The following KIF6 variants were observed in gnomAD, a reference collection of about 807,000 sequenced individuals.
The protein encoded by KIF6 is kinesin-like protein KIF6.
Under a neutral mutation model 112.7 loss-of-function variants are expected in KIF6, and 106 were observed. The observed-to-expected ratio is 0.94, with a 90% CI of 0.80 to 1.11. The LOEUF (loss-of-function observed/expected upper bound fraction) is 1.11. Among genes scored for constraint, KIF6 ranks in the 50% least tolerant of loss-of-function variants. The pLI, the probability that KIF6 is intolerant of heterozygous loss-of-function variation, is 0.00. For synonymous variants in KIF6, 339 were observed against 339.9 expected, an observed-to-expected ratio of 1.00 and a Z score of 0.03; for missense variants, 929 against 964.0, an observed-to-expected ratio of 0.96 and a Z score of 0.48.
intron 13 of KIF6, among the ~76,000 whole-genome samples, chr6:39,456,848 C>G (rs1773147693): frequency 6.7e-6 from 1 of 149,178 alleles, no homozygotes; most frequent in Non-Finnish European, 1.5e-5. Flanking sequence ...GCACCCAATA[C>G]AGGAGCACCC....
intron 6 of KIF6, among the ~76,000 whole-genome samples, chr6:39,611,611 A>C (rs1049245602): frequency 1.3e-5 from 2 of 152,204 alleles, no homozygotes; most frequent in Non-Finnish European, 2.9e-5. Context: ...GTCAGTTAGC[A>C]CTGAGGCGGC....
At chr6:39,447,726 C>T (rs1772419377) in intron 13 of KIF6, among the ~76,000 whole-genome samples, 1 of 152,122 alleles carries the variant, frequency 6.6e-6, no homozygotes, top group African/African-American at 2.4e-5. Flanking sequence ...TTCTTTGGTC[C>T]CTTTTCTTGG....
intron 10 of KIF6, among the ~76,000 whole-genome samples, chr6:39,563,594 A>G (rs146501536): frequency 1.3e-5 from 2 of 152,320 alleles, no homozygotes; most frequent in Non-Finnish European, 2.9e-5. Context: ...ATTCTCTATT[A>G]TAAATAGTTT....
At chr6:39,542,446 G>A (rs115318417) in intron 12 of KIF6, among the ~76,000 whole-genome samples, 3,796 of 152,214 alleles carry the variant, frequency 0.025, 51 homozygotes, top group Non-Finnish European at 0.037. Context: ...GATGTCGTTC[G>A]CAGTCATTTG....
intron 1 of KIF6, among the ~76,000 whole-genome samples, chr6:39,722,045 TA>T (rs1189813160): frequency 6.6e-6 from 1 of 152,122 alleles, no homozygotes; most frequent in Non-Finnish European, 1.5e-5. Context: ...AGTCATTACA[TA>T]AAATAAAGTA....
chr6:39,431,011 G>A (rs991373281), intron 14 of KIF6, 42 bp downstream of exon 14: 4 of 1,249,192 alleles, frequency 3.2e-6, no homozygotes, highest in Non-Finnish European at 4.7e-6. Flanking sequence ...GGCTGGCCTG[G>A]CTGAGCCTCG....
intron 13 of KIF6, among the ~76,000 whole-genome samples, chr6:39,499,353 A>G (rs1775975208): frequency 6.6e-6 from 1 of 151,546 alleles, no homozygotes; most frequent in African/African-American, 2.4e-5. Flanking sequence ...AAGAAAGGGG[A>G]GGGAGAAAAG....
intron 17 of KIF6, among the ~76,000 whole-genome samples, chr6:39,361,189 T>C (rs1765109497): frequency 6.6e-6 from 1 of 152,046 alleles, no homozygotes; most frequent in African/African-American, 2.4e-5. Flanking sequence ...AAGAGATAAG[T>C]TGGCCTCTAA....
chr6:39,342,362 G>A lies in KIF6; in HGVS notation c.2428+1347C>T, dbSNP rs1200447794. 1.3e-5 allele frequency among the ~76,000 whole-genome samples: 2 copies of A among 152,086 alleles called. No homozygotes were observed. The highest frequency in any genetic ancestry group is 1.9e-4 in the East Asian group (1 of 5,186). ...CCTCAAACAATCTTACGTATTTGTC[G>A]ACGTGTTCATTGTCTGTCTCCTTCC... On this transcript the variant is annotated intron_variant, in intron 22 of 22. Coordinates refer to ENST00000287152, the MANE Select transcript of KIF6 (RefSeq NM_145027.6). The surrounding 1 kb of genome is among the most constrained non-coding windows in gnomAD (Gnocchi z 4.7).
At chr6:39,686,181 TG>T (rs1247150165) in intron 3 of KIF6, among the ~76,000 whole-genome samples, 1 of 152,228 alleles carries the variant, frequency 6.6e-6, no homozygotes, top group Non-Finnish European at 1.5e-5. Flanking sequence ...AATCATATTT[TG>T]TAAGGTGTTT....
intron 15 of KIF6, among the ~76,000 whole-genome samples, chr6:39,414,789 TA>T (rs1241147517): frequency 6.6e-6 from 1 of 152,136 alleles, no homozygotes; most frequent in Non-Finnish European, 1.5e-5. Flanking sequence ...CAAAGTCAGG[TA>T]AATGTGAATT....
intron 3 of KIF6, among the ~76,000 whole-genome samples, chr6:39,645,868 G>A (rs1785142720): frequency 6.6e-6 from 1 of 151,936 alleles, no homozygotes; most frequent in Admixed American, 6.6e-5. Flanking sequence ...ACTATCGCAA[G>A]GACAAAAAAC....
At chr6:39,409,434 T>C (rs1397429476) in intron 15 of KIF6, among the ~76,000 whole-genome samples, 1 of 152,248 alleles carries the variant, frequency 6.6e-6, no homozygotes. Flanking sequence ...AGCCTAGATG[T>C]GCTTGGGAGC....
At chr6:39,540,317 T>C (rs879307325) in intron 12 of KIF6, 96 bp from the exon 13 acceptor site, 1 of 815,336 alleles carries the variant, frequency 1.2e-6, no homozygotes. Flanking sequence ...ACATTTGCTA[T>C]TTATCATGTG....
intron 15 of KIF6, among the ~76,000 whole-genome samples, chr6:39,412,178 C>T (rs1327730337): frequency 1.3e-5 from 2 of 152,184 alleles, no homozygotes; most frequent in African/African-American, 2.4e-5. Context: ...CTCCAACTTG[C>T]TTCAAATCAT....
intron 3 of KIF6, among the ~76,000 whole-genome samples, chr6:39,666,248 T>C (rs546463517): frequency 6.6e-6 from 1 of 152,342 alleles, no homozygotes; most frequent in East Asian, 1.9e-4. Flanking sequence ...TCATTATGGT[T>C]TGGCAATTCA....
intron 5 of KIF6, among the ~76,000 whole-genome samples, chr6:39,614,192 T>G (rs1783371719): frequency 6.6e-6 from 1 of 152,190 alleles, no homozygotes; most frequent in South Asian, 2.1e-4. Context: ...AGTCATAAAG[T>G]TACTAAAGAG....
intron 16 of KIF6, among the ~76,000 whole-genome samples, chr6:39,384,598 G>GA (rs1000623442): frequency 6.6e-6 from 1 of 152,074 alleles, no homozygotes; most frequent in African/African-American, 2.4e-5. Flanking sequence ...CTACTGAAAC[G>GA]AAACAACCAA....
At chr6:39,536,917 A>G (rs1480989846) in intron 13 of KIF6, among the ~76,000 whole-genome samples, 4 of 152,132 alleles carry the variant, frequency 2.6e-5, no homozygotes, top group Non-Finnish European at 5.9e-5. Flanking sequence ...CAATATATGC[A>G]AATCAATAAA....
Sources: allele counts gnomAD v4.1 joint callset (sites outside exome capture counted in the v4.1 genomes callset), GRCh38; gene constraint gnomAD v4.1.1; non-coding constraint Gnocchi (gnomAD v3.1); transcripts MANE v1.5; gene names NCBI Gene and HGNC (gene_info 2026-07-23, HGNC 2026-07-21).